Variants in ASTE1 observed in about 807,000 individuals in gnomAD.
The protein encoded by ASTE1 is single-strand DNA endonuclease ASTE1.
ASTE1 carries 49 observed loss-of-function variants against 45.8 expected under a neutral mutation model. That is an observed-to-expected ratio of 1.07 (90% CI 0.85 to 1.36). The LOEUF is 1.36. Among genes scored for constraint, ASTE1 ranks in the 40% most tolerant of loss-of-function variants. ASTE1 has a pLI of 0.00. For synonymous variants in ASTE1, 296 were observed against 303.9 expected (o/e 0.97, Z 0.27); for missense variants, 709 against 804.0 (o/e 0.88, Z 1.43).
chr3:131,017,115 C>T (rs886112863), intron 4 of ASTE1: 5 of 1,112,212 alleles, frequency 4.5e-6, no homozygotes, highest in Non-Finnish European at 6.0e-6. Flanking sequence ...ACTTAATAGG[C>T]TTGTGCTCTG....
chr3:131,025,774 T>A (rs890213196), intron 1 of ASTE1, among the ~76,000 whole-genome samples, 180 bp from the exon 2 acceptor site: 3 of 152,216 alleles, frequency 2.0e-5, no homozygotes, highest in Non-Finnish European at 4.4e-5. Context: ...CACAAAGCAT[T>A]TGGGCTTCAG....
At chr3:131,016,859 G>T in intron 4 of ASTE1, 1 of 580,780 alleles carries the variant, frequency 1.7e-6, no homozygotes, top group Non-Finnish European at 2.6e-6. Context: ...AGGATAAGGG[G>T]CAAGAAGCAA....
Position 131,024,882 on chromosome 3 carries a change from T to C in ASTE1, c.425A>G (p.Asp142Gly). ...GTTAGCAAGTGTCATAATGTCCCGATCTGCTTCTGAAAAGCACTGGACAAA... is the reference window on the plus strand; with the variant it reads ...GTTAGCAAGTGTCATAATGTCCCGACCTGCTTCTGAAAAGCACTGGACAAA... The part of the protein sequence containing the change: ...VCFVQCFSEA[D>G]RDIMTLANHW... The change falls in exon 3 of 6, where the codon GAT (aspartate) becomes GGT (glycine). Residue 142 changes from aspartate (D) to glycine (G), a missense_variant. Physicochemically the swap from Asp to Gly is moderately conservative, Grantham distance 94 (BLOSUM62 -1). Coordinates refer to ENST00000264992, the MANE Select transcript of ASTE1 (RefSeq NM_014065.4). 5 of 1,614,196 alleles carry C rather than the reference T, an allele frequency of 3.1e-6. No individual in the cohort carries two copies. The highest frequency in any genetic ancestry group is 4.2e-6 in the Non-Finnish European group (5 of 1,180,028).
rs1325436775 is a variant in ASTE1 at position 131,025,492 on chromosome 3, T to C, written c.-44A>G. The C allele has an allele frequency of 2.1e-6, 2 of 974,366 alleles. No homozygotes were observed. The highest frequency in any genetic ancestry group is 2.8e-6 in the Non-Finnish European group (2 of 704,466). 60.4% of individuals were successfully genotyped at this position (974,366 alleles called of 1,614,324 possible). ...TTCTTACCTAGATCCTCAAGCAATGTTAGCTGTGCTTTTTCATTCTCCTTT... is the reference window on the plus strand; with the variant it reads ...TTCTTACCTAGATCCTCAAGCAATGCTAGCTGTGCTTTTTCATTCTCCTTT... On this transcript the variant is annotated 5_prime_UTR_variant, in exon 2 of 6. It removes the in-frame stop codon of an upstream open reading frame in the 5' UTR. Transcript: ENST00000264992.
At position 131,016,304 on chromosome 3, in the gene ASTE1, ACAT is replaced by A. The variant is rs541922387; in HGVS notation, c.1546_1548del (p.Met516del). The A allele has an allele frequency of 1.0e-3, 1,634 of 1,614,156 alleles. 1 individual carries two copies. The highest frequency in any genetic ancestry group is 1.3e-3 in the Non-Finnish European group (1,551 of 1,180,016). On this transcript the variant is annotated inframe_deletion, in exon 5 of 6. Transcript: ENST00000264992. ...TTCACTCTTTGGAACTCTGCATACA[ACAT>A]CTTAGCACCATCTTCCTGCAGCTCT...
intron 4 of ASTE1, among the ~76,000 whole-genome samples, chr3:131,018,087 G>A (rs2063686917): frequency 6.6e-6 from 1 of 151,718 alleles, no homozygotes; most frequent in Admixed American, 6.6e-5. Flanking sequence ...AAGCAAGAAT[G>A]TAGTGGTTGT....
chr3:131,023,239 T>C (rs562255862), intron 3 of ASTE1, among the ~76,000 whole-genome samples: 2 of 152,176 alleles, frequency 1.3e-5, no homozygotes, highest in African/African-American at 4.8e-5. Flanking sequence ...AATATTTCAT[T>C]GGATCTAAGA....
rs767816409 is a variant in ASTE1, at chr3:131,024,213, G to T, written c.1094C>A (p.Ala365Asp). ...TQVENMQQPN[A>D]HRISQPIRQI... is the part of the protein sequence containing the mutation. ...CCTGATGGGCTGAGATATTCTGTGG[G>T]CATTTGGTTGCTGCATGTTTTCCAC... Residue 365 changes from alanine (A) to aspartate (D), a missense_variant, in exon 3 of 6, where the codon GCC becomes GAC. By Grantham distance (126) the Ala-to-Asp change is moderately radical. Coordinates refer to ENST00000264992, the MANE Select transcript of ASTE1 (RefSeq NM_014065.4). The T allele has an allele frequency of 6.2e-7, 1 of 1,614,074 alleles. No homozygotes were observed. Among genetic ancestry groups the T allele is most frequent in the Non-Finnish European group, 8.5e-7 (1 of 1,180,016 alleles).
rs1235682038 is a variant in ASTE1, at chr3:131,024,187, G to T, written c.1120C>A (p.Gln374Lys). 10 of 1,614,036 alleles carry T rather than the reference G, an allele frequency of 6.2e-6. No individual in the cohort carries two copies. The highest frequency in any genetic ancestry group is 1.7e-5 in the Admixed American group (1 of 60,004). Residue 374 changes from glutamine (Q) to lysine (K), a missense_variant, in exon 3 of 6, where the codon CAA (glutamine) becomes AAA (lysine). Physicochemically the swap from Gln to Lys is moderately conservative, Grantham distance 53. Coordinates refer to ENST00000264992, the MANE Select transcript of ASTE1 (RefSeq NM_014065.4). The stretch of plus-strand genomic sequence containing the variant: ...TTTAAAAGAAGCCCATAGATGATTT[G>T]CCTGATGGGCTGAGATATTCTGTGG... The part of the protein sequence containing the change: ...NAHRISQPIR[Q>K]IIYGLLLNAS...
rs1349895333 is a variant in ASTE1, at chr3:131,025,052, T to G, written c.255A>C (p.Ser85=). 1 of 1,606,336 alleles carries G rather than the reference T, an allele frequency of 6.2e-7. No individual in the cohort carries two copies. Among genetic ancestry groups the G allele is most frequent in the Admixed American group, 1.7e-5 (1 of 59,076 alleles). Residue 85 remains serine, a synonymous_variant, in exon 3 of 6, where the codon TCA becomes TCC. Coordinates refer to ENST00000264992, the MANE Select transcript of ASTE1 (RefSeq NM_014065.4). ...CCTTTAAAGTTGTAAGCTTTTTATCTGAAATGTCACATCCTCCATCTAATA... is the reference window on the plus strand; with the variant it reads ...CCTTTAAAGTTGTAAGCTTTTTATCGGAAATGTCACATCCTCCATCTAATA... ...YVVLDGGCDI[S]DKKLTTLKDR...
chr3:131,017,320 C>G (rs2063664658), intron 4 of ASTE1, among the ~76,000 whole-genome samples: 1 of 152,214 alleles, frequency 6.6e-6, no homozygotes, highest in African/African-American at 2.4e-5. Context: ...ATTCTTTTAT[C>G]TAACTTATTA....
chr3:131,020,418 T>C (rs1343619595), intron 3 of ASTE1, among the ~76,000 whole-genome samples: 4 of 152,166 alleles, frequency 2.6e-5, no homozygotes, highest in Non-Finnish European at 5.9e-5. Context: ...GAGAGACTGG[T>C]CTTGGCTGCC....
intron 4 of ASTE1, 121 bp downstream of exon 4, chr3:131,018,385 A>C (rs1427200261): frequency 1.0e-6 from 1 of 981,746 alleles, no homozygotes. Context: ...CTCCACATCT[A>C]AGTTGTGATA....
intron 3 of ASTE1, among the ~76,000 whole-genome samples, chr3:131,020,356 C>T (rs571376344): frequency 6.6e-6 from 1 of 152,248 alleles, no homozygotes; most frequent in East Asian, 1.9e-4. Flanking sequence ...CCAGGGGGAG[C>T]GAAAGCACAA....
intron 4 of ASTE1, chr3:131,016,597 T>C: frequency 2.0e-6 from 1 of 491,774 alleles, no homozygotes; most frequent in Non-Finnish European, 3.6e-6. Context: ...TCCACTGGTC[T>C]ACTACCTGAC....
rs1473627205 is a variant in ASTE1 at position 131,013,955 on chromosome 3, C to T, written c.*102G>A. On this transcript the variant is annotated 3_prime_UTR_variant, in exon 6 of 6. Coordinates refer to ENST00000264992, the MANE Select transcript of ASTE1 (RefSeq NM_014065.4). ...GATTATTGTGATGTTTATCCCCTAA[C>T]AGGTCAGTCCTAAAGAAAAAGCTAA... 4 of 758,504 alleles carry T rather than the reference C, an allele frequency of 5.3e-6. No homozygotes were observed. The highest frequency in any genetic ancestry group is 8.2e-6 in the Non-Finnish European group (4 of 485,226). The allele number at this position is 758,504 out of a possible 1,614,324, so 47.0% of individuals were successfully genotyped here.
At chr3:131,021,413 C>G (rs536635685) in intron 3 of ASTE1, among the ~76,000 whole-genome samples, 1 of 152,276 alleles carries the variant, frequency 6.6e-6, no homozygotes, top group South Asian at 2.1e-4. Flanking sequence ...ATCAACTACT[C>G]ACAGCAATGT....
At position 131,018,715 on chromosome 3, in the gene ASTE1, A is replaced by G; in HGVS notation, c.1304T>C (p.Leu435Pro). 1.2e-6 allele frequency: 2 copies of G among 1,613,692 alleles called. No individual in the cohort carries two copies. Among genetic ancestry groups the G allele is most frequent in the Non-Finnish European group, 1.7e-6 (2 of 1,179,916 alleles). ...DHSDLSRLTELSLRRRQMLLL... is the reference protein window; with the variant it reads ...DHSDLSRLTEPSLRRRQMLLL... ...AAGCATCTGCCGCCTCCTCAAGGAG[A>G]GCTGAAAATACACACCAAGTATCCT... The change falls in exon 4 of 6, where the codon CTC (leucine) becomes CCC (proline). Residue 435 changes from leucine to proline, a missense_variant and splice_region_variant. Physicochemically the swap from Leu to Pro is moderately conservative, Grantham distance 98. Transcript: ENST00000264992.
At chr3:131,025,629 C>T in intron 1 of ASTE1, 35 bp from the exon 2 acceptor site, 1 of 289,644 alleles carries the variant, frequency 3.5e-6, no homozygotes, top group East Asian at 6.6e-5. Context: ...ATTACTGACA[C>T]ACCAGTATAG....
Sources: allele counts gnomAD v4.1 joint callset (sites outside exome capture counted in the v4.1 genomes callset), GRCh38; gene constraint gnomAD v4.1.1; transcripts MANE v1.5; gene names NCBI Gene and HGNC (gene_info 2026-07-23, HGNC 2026-07-21).